The following TBC1D22A variants were observed in gnomAD, a reference collection of about 807,000 sequenced individuals.
TBC1D22A encodes the protein putative GTPase activator.
TBC1D22A carries 38 observed loss-of-function variants against 60.2 expected under a neutral mutation model. That is an observed-to-expected ratio of 0.63 (90% CI 0.49 to 0.83). TBC1D22A has a LOEUF of 0.83. TBC1D22A is among the 40% of genes least tolerant of loss of function. The pLI is 0.00. For synonymous variants in TBC1D22A, 302 were observed against 281.7 expected, an observed-to-expected ratio of 1.07 and a Z score of -0.72; for missense variants, 628 against 701.0, an observed-to-expected ratio of 0.90 and a Z score of 1.18.
intron 8 of TBC1D22A, among the ~76,000 whole-genome samples, chr22:46,953,866 A>C (rs113648686): frequency 3.9e-5 from 6 of 152,322 alleles, no homozygotes; most frequent in African/African-American, 1.4e-4. Context: ...GATTCTCCCA[A>C]CACCCTTAAG....
chr22:46,762,801 G>T lies in TBC1D22A; in HGVS notation c.15G>T (p.Gly5=). ...GAGGAGGGGCCATGGCCAGCGACGG[G>T]GCCAGGAAGCAATTCTGGAAGCGCA... MASD[G]ARKQFWKRSN... Residue 5 remains glycine (G), a synonymous_variant, in exon 1 of 13, where the codon GGG becomes GGT. Transcript: ENST00000337137. The T allele has an allele frequency of 6.9e-7, 1 of 1,455,366 alleles. No individual in the cohort carries two copies. The highest frequency in any genetic ancestry group is 9.0e-7 in the Non-Finnish European group (1 of 1,111,824). 90.2% of individuals were successfully genotyped at this position (1,455,366 alleles called of 1,614,324 possible). A position where few individuals can be genotyped will look rare whatever the true frequency, so the allele number is the denominator to read the frequency against.
At chr22:47,037,020 C>T in intron 10 of TBC1D22A, 51 bp from the exon 11 acceptor site, 1 of 1,606,736 alleles carries the variant, frequency 6.2e-7, no homozygotes, top group Non-Finnish European at 8.5e-7. Flanking sequence ...GCTGCCAGTG[C>T]CTCCATAGGG....
At chr22:46,853,509 A>C (rs532422413) in intron 4 of TBC1D22A, among the ~76,000 whole-genome samples, 2 of 152,104 alleles carry the variant, frequency 1.3e-5, no homozygotes. Flanking sequence ...CCAGCCTCCA[A>C]TAGAGGATCA....
At chr22:46,808,399 G>T (rs1017828363) in intron 4 of TBC1D22A, among the ~76,000 whole-genome samples, 2 of 152,076 alleles carry the variant, frequency 1.3e-5, no homozygotes, top group African/African-American at 2.4e-5. Flanking sequence ...ATGCAGTAGG[G>T]ATGGGAGGTG....
chr22:46,885,879 G>A (rs963906061), intron 5 of TBC1D22A, among the ~76,000 whole-genome samples: 2 of 152,014 alleles, frequency 1.3e-5, no homozygotes, highest in Non-Finnish European at 2.9e-5. Context: ...GCACACTCGG[G>A]GCTGGTTATT....
At chr22:47,054,857 C>T (rs2063339114) in intron 11 of TBC1D22A, among the ~76,000 whole-genome samples, 1 of 152,196 alleles carries the variant, frequency 6.6e-6, no homozygotes, top group African/African-American at 2.4e-5. Context: ...AACTTGTAAA[C>T]AGCAGAAATG....
At chr22:47,144,568 C>T (rs921574973) in intron 12 of TBC1D22A, among the ~76,000 whole-genome samples, 10 of 152,254 alleles carry the variant, frequency 6.6e-5, no homozygotes, top group African/African-American at 1.9e-4. Context: ...CAAGCACATA[C>T]GCGCATGCAC....
intron 4 of TBC1D22A, among the ~76,000 whole-genome samples, chr22:46,817,643 T>C (rs564532982): frequency 1.3e-5 from 2 of 152,376 alleles, no homozygotes; most frequent in East Asian, 3.9e-4. Context: ...ATTTTCTTTA[T>C]GTAGTCTATC....
At chr22:47,055,736 C>A (rs1315871821) in intron 11 of TBC1D22A, among the ~76,000 whole-genome samples, 1 of 151,978 alleles carries the variant, frequency 6.6e-6, no homozygotes, top group African/African-American at 2.4e-5. Context: ...CCCCTTGGGG[C>A]CAGGAGGAAA....
intron 11 of TBC1D22A, among the ~76,000 whole-genome samples, chr22:47,040,829 A>G (rs933331359): frequency 2.6e-5 from 4 of 152,158 alleles, no homozygotes; most frequent in African/African-American, 9.7e-5. Context: ...CTTGGGGAAC[A>G]TTCAGGGCTC....
chr22:46,920,548 T>G (rs1270908529), intron 8 of TBC1D22A, among the ~76,000 whole-genome samples: 1 of 152,210 alleles, frequency 6.6e-6, no homozygotes, highest in Non-Finnish European at 1.5e-5. Context: ...TTTTCTTTTT[T>G]CCTGTTGTGC....
chr22:47,124,424 G>A lies in TBC1D22A; in HGVS notation c.1425+12821G>A, dbSNP rs1249875895. Reference sequence around the variant, plus strand: ...CTGGAGGACAGGCTGCCCACGCCAGGCCCTCGAGCCAGCCTAGGGGCGCAT... The same window carrying A: ...CTGGAGGACAGGCTGCCCACGCCAGACCCTCGAGCCAGCCTAGGGGCGCAT... On this transcript the variant is annotated intron_variant, in intron 12 of 12. Coordinates refer to ENST00000337137, the MANE Select transcript of TBC1D22A (RefSeq NM_014346.5). Among the ~76,000 whole-genome samples, 3 of 152,234 alleles carry A rather than the reference G, an allele frequency of 2.0e-5. No homozygotes were observed. In the South Asian group the frequency reaches 6.2e-4, roughly 31 times the overall value.
At chr22:46,851,555 C>T (rs2087278384) in intron 4 of TBC1D22A, among the ~76,000 whole-genome samples, 1 of 152,270 alleles carries the variant, frequency 6.6e-6, no homozygotes, top group Non-Finnish European at 1.5e-5. Context: ...AACGGTTTGC[C>T]TTGGCGCTCT....
intron 5 of TBC1D22A, among the ~76,000 whole-genome samples, chr22:46,881,906 G>T (rs2067870213): frequency 6.6e-6 from 1 of 152,236 alleles, no homozygotes; most frequent in African/African-American, 2.4e-5. Context: ...TAAGAGGAGA[G>T]ATCTGGGAGC....
At chr22:46,791,450 C>T (rs375780412) in intron 1 of TBC1D22A, among the ~76,000 whole-genome samples, 112 of 152,072 alleles carry the variant, frequency 7.4e-4, no homozygotes, top group African/African-American at 2.6e-3. Context: ...CACTCACGCA[C>T]GATGGCTGAG....
rs563635835 is a variant in TBC1D22A at position 47,076,700 on chromosome 22, G to C, written c.1330-34808G>C. Among the ~76,000 whole-genome samples the C allele has an allele frequency of 1.4e-4, 22 of 151,844 alleles. No individual in the cohort carries two copies. The East Asian group carries it at 2.3e-3, about 16-fold the overall frequency. On this transcript the variant is annotated intron_variant, in intron 11 of 12. Transcript: ENST00000337137. ...TCCCTGACCTCCATTATTGGTCTCC[G>C]CATTTGTGATAGTTCGTTTGCTTTG...
At chr22:47,063,551 A>G (rs1373754663) in intron 11 of TBC1D22A, among the ~76,000 whole-genome samples, 1 of 152,006 alleles carries the variant, frequency 6.6e-6, no homozygotes, top group Admixed American at 6.6e-5. Context: ...GGGTCCGGGA[A>G]TGTTTGGGGA....
chr22:47,091,586 GAC>G (rs1451095382), intron 11 of TBC1D22A, among the ~76,000 whole-genome samples: 1 of 151,756 alleles, frequency 6.6e-6, no homozygotes, highest in Non-Finnish European at 1.5e-5. Flanking sequence ...TGTTGATAGA[GAC>G]AGGCACGATA....
chr22:46,979,365 T>G (rs971084399), intron 9 of TBC1D22A, among the ~76,000 whole-genome samples: 1 of 152,244 alleles, frequency 6.6e-6, no homozygotes, highest in African/African-American at 2.4e-5. Flanking sequence ...CCAACTTCAT[T>G]CATTTTTGAG....
Sources: gnomAD v4.1 joint callset for allele counts (sites outside exome capture counted in the v4.1 genomes callset) on GRCh38, gnomAD v4.1.1 for gene constraint, MANE v1.5 for transcripts, NCBI Gene and HGNC (gene_info 2026-07-23, HGNC 2026-07-21) for gene names.